Variants in MCOLN2 observed in about 807,000 individuals in gnomAD.
The protein encoded by MCOLN2 is mucolipin-2.
MCOLN2 carries 57 observed loss-of-function variants against 67.5 expected under a neutral mutation model. That is an observed-to-expected ratio of 0.84 (90% CI 0.68 to 1.05). MCOLN2 has a LOEUF of 1.05. MCOLN2 is among the 50% of genes least tolerant of loss of function. The probability of loss-of-function intolerance (pLI) is 0.00; values close to 1 mark genes in which losing one functional copy is unlikely to be tolerated. For synonymous variants in MCOLN2, 246 were observed against 233.3 expected, an observed-to-expected ratio of 1.05 and a Z score of -0.50; for missense variants, 620 against 678.8, an observed-to-expected ratio of 0.91 and a Z score of 0.96.
At chr1:84,948,269 CTG>C (rs1445290294) in intron 6 of MCOLN2, among the ~76,000 whole-genome samples, 1 of 152,254 alleles carries the variant, frequency 6.6e-6, no homozygotes, top group Non-Finnish European at 1.5e-5. Context: ...TCCAGCAAAA[CTG>C]TGTCATTGCT....
chr1:84,945,212 TCA>T (rs1435544071), intron 7 of MCOLN2, among the ~76,000 whole-genome samples: 1 of 152,176 alleles, frequency 6.6e-6, no homozygotes, highest in Non-Finnish European at 1.5e-5. Flanking sequence ...AAGGAAAAAC[TCA>T]CTGTTCTGGA....
chr1:84,969,570 CAAA>C (rs60003501), intron 1 of MCOLN2, among the ~76,000 whole-genome samples: 39 of 80,676 alleles, frequency 4.8e-4, no homozygotes, highest in African/African-American at 1.1e-3. Context: ...GACTCTGCCT[CAAA>C]AAAAAAAAAA....
rs201259012 is a variant in MCOLN2 at position 84,939,674 on chromosome 1, T to C, written c.989A>G (p.Tyr330Cys). Residue 330 changes from tyrosine to cysteine, a missense_variant, in exon 9 of 14, where the codon TAC (tyrosine) becomes TGC (cysteine). Coordinates refer to ENST00000370608, the MANE Select transcript of MCOLN2 (RefSeq NM_153259.4). Reference protein sequence around the residue: ...KRFLNFFLEKYKRPVCDTDQW... With the variant: ...KRFLNFFLEKCKRPVCDTDQW... The stretch of plus-strand genomic sequence containing the variant: ...GTCGGTGTCACACACAGGCCGCTTG[T>C]ACTTCTCCAGGAAGAAATTTAGAAA... The C allele has an allele frequency of 1.9e-6, 3 of 1,613,984 alleles. No individual in the cohort carries two copies. The highest frequency in any genetic ancestry group is 2.7e-5 in the African/African-American group (2 of 74,918).
At chr1:84,995,799 ATT>A (rs142983024) in intron 1 of MCOLN2, among the ~76,000 whole-genome samples, 18,016 of 146,126 alleles carry the variant, frequency 0.12, 1,217 homozygotes, top group East Asian at 0.28. Flanking sequence ...CTATTACTCT[ATT>A]TTTTTAAAAA....
At chr1:84,992,400 A>T (rs7548208) in intron 1 of MCOLN2, among the ~76,000 whole-genome samples, 2,074 of 152,352 alleles carry the variant, frequency 0.014, 51 homozygotes, top group African/African-American at 0.048. Flanking sequence ...ATACCAGGAA[A>T]AAAGGGGCTG....
At chr1:84,984,714 G>A (rs1255624447) in intron 1 of MCOLN2, among the ~76,000 whole-genome samples, 1 of 152,186 alleles carries the variant, frequency 6.6e-6, no homozygotes, top group Non-Finnish European at 1.5e-5. Context: ...AACTCAATAT[G>A]GCCAAATGTG....
rs573381838 is a variant in MCOLN2 at position 84,983,825 on chromosome 1, C to T, written c.77+12971G>A. Among the ~76,000 whole-genome samples, 635 of 151,582 alleles carry T rather than the reference C, an allele frequency of 4.2e-3. 2 individuals carry two copies. Among genetic ancestry groups the T allele is most frequent in the African/African-American group, 0.015 (606 of 41,112 alleles). ...CCGAGTAGCTGGGATTACAGGCGCA[C>T]GCCTCCACGCTCAGCTAATTTTTGT... On this transcript the variant is annotated intron_variant, in intron 1 of 13. Transcript: ENST00000370608.
At chr1:84,942,228 C>G (rs1235262790) in intron 7 of MCOLN2, among the ~76,000 whole-genome samples, 1 of 152,200 alleles carries the variant, frequency 6.6e-6, no homozygotes, top group Non-Finnish European at 1.5e-5. Context: ...CTACACACAC[C>G]CAGAGCTCCT....
At chr1:84,943,566 G>A (rs1347200246) in intron 7 of MCOLN2, among the ~76,000 whole-genome samples, 1 of 151,806 alleles carries the variant, frequency 6.6e-6, no homozygotes, top group Non-Finnish European at 1.5e-5. Context: ...TGCAGAGACA[G>A]CATTGAAGAG....
At chr1:84,940,338 G>T (rs927408407) in intron 8 of MCOLN2, among the ~76,000 whole-genome samples, 13 of 152,158 alleles carry the variant, frequency 8.5e-5, no homozygotes, top group Admixed American at 8.5e-4. Context: ...TTGTACACAC[G>T]CCACAGCCAG....
rs1025945257 is a variant in MCOLN2, at chr1:84,997,038, C to A, written c.-166G>T. The A allele has an allele frequency of 3.2e-6, 2 of 630,846 alleles. No homozygotes were observed. Among genetic ancestry groups the A allele is most frequent in the African/African-American group, 1.9e-5 (1 of 53,884 alleles). 39.1% of individuals were successfully genotyped at this position (630,846 alleles called of 1,614,324 possible). A position where few individuals can be genotyped will look rare whatever the true frequency, so the allele number is the denominator to read the frequency against. On this transcript the variant is annotated 5_prime_UTR_variant, in exon 1 of 14. Transcript: ENST00000370608. The stretch of plus-strand genomic sequence containing the variant: ...CTGCCGGCCGCGTGGTGCGCGCAGA[C>A]CCCGGCCCGAGAGCAGGCGCCGCAG...
At chr1:84,973,802 C>T (rs938717382) in intron 1 of MCOLN2, among the ~76,000 whole-genome samples, 10 of 152,220 alleles carry the variant, frequency 6.6e-5, no homozygotes, top group African/African-American at 2.2e-4. Flanking sequence ...TAACAACTAT[C>T]TATGTAAGCA....
intron 6 of MCOLN2, among the ~76,000 whole-genome samples, chr1:84,951,321 A>G (rs1429066165): frequency 6.6e-6 from 1 of 152,216 alleles, no homozygotes; most frequent in African/African-American, 2.4e-5. Flanking sequence ...AGTATATACA[A>G]CTTTCAGCTA....
chr1:84,940,513 G>C (rs1014667576), intron 8 of MCOLN2, among the ~76,000 whole-genome samples: 2 of 152,182 alleles, frequency 1.3e-5, no homozygotes, highest in African/African-American at 4.8e-5. Context: ...AATGAACTCT[G>C]ATTTGAAGAC....
chr1:84,935,729 A>C (rs1383827679), intron 11 of MCOLN2, among the ~76,000 whole-genome samples: 1 of 152,162 alleles, frequency 6.6e-6, no homozygotes, highest in East Asian at 1.9e-4. Context: ...TTGTAGCCCA[A>C]ACTGTATTTT....
chr1:84,984,309 A>G (rs1263144894), intron 1 of MCOLN2, among the ~76,000 whole-genome samples: 1 of 152,156 alleles, frequency 6.6e-6, no homozygotes, highest in Non-Finnish European at 1.5e-5. Context: ...CTTTATCACC[A>G]AACTCTGGCT....
intron 1 of MCOLN2, among the ~76,000 whole-genome samples, chr1:84,969,231 C>G (rs747879869): frequency 4.6e-5 from 7 of 152,112 alleles, no homozygotes; most frequent in Admixed American, 3.3e-4. Context: ...CATTCAAACC[C>G]AAAGAGGGAG....
rs144535564 is a variant in MCOLN2, at chr1:84,932,328, C to T, written c.1336-760G>A. 6.1e-3 allele frequency among the ~76,000 whole-genome samples: 926 copies of T among 152,170 alleles called. 6 individuals carry two copies. The highest frequency in any genetic ancestry group is 7.7e-3 in the Non-Finnish European group (523 of 68,020). On this transcript the variant is annotated intron_variant, in intron 11 of 13. Transcript: ENST00000370608. ...CAGTGTTCAAGCGATTCTCATGTGT[C>T]GGCCTCCCAAATAGATGGGATTACA...
At chr1:84,991,403 G>A (rs192247908) in intron 1 of MCOLN2, among the ~76,000 whole-genome samples, 1 of 152,126 alleles carries the variant, frequency 6.6e-6, no homozygotes, top group African/African-American at 2.4e-5. Flanking sequence ...ATTTTCTCGT[G>A]ATCTGCTAGT....
Sources: gnomAD v4.1 joint callset for allele counts (sites outside exome capture counted in the v4.1 genomes callset) on GRCh38, gnomAD v4.1.1 for gene constraint, MANE v1.5 for transcripts, NCBI Gene and HGNC (gene_info 2026-07-23, HGNC 2026-07-21) for gene names.